THSD4: variants seen among roughly 807,000 people sequenced by gnomAD.
THSD4 encodes thrombospondin type 1 domain containing 4, also known as thrombospondin type-1 domain-containing protein 4.
A neutral mutation model predicts 119.0 loss-of-function variants in THSD4; 69 were observed. The observed-to-expected ratio is 0.58, with a 90% CI of 0.48 to 0.71. The LOEUF (loss-of-function observed/expected upper bound fraction) is 0.71, where lower values mean the gene tolerates loss of function less well. Ranked by LOEUF, THSD4 falls within the 30% of genes least tolerant of loss-of-function variation. The pLI is 0.00. For missense variants in THSD4, 1,393 were observed against 1,391.1 expected, an observed-to-expected ratio of 1.00 and a Z score of -0.02; for synonymous variants, 524 against 540.4, an observed-to-expected ratio of 0.97 and a Z score of 0.42.
intron 8 of THSD4, among the ~76,000 whole-genome samples, chr15:71,712,547 A>G (rs1170475650): frequency 6.6e-6 from 1 of 152,230 alleles, no homozygotes; most frequent in Non-Finnish European, 1.5e-5. Context: ...GGAGGAAACA[A>G]TAAAAACAAG....
intron 15 of THSD4, among the ~76,000 whole-genome samples, chr15:71,760,096 C>A (rs945850533): frequency 2.0e-5 from 3 of 152,126 alleles, no homozygotes; most frequent in African/African-American, 7.2e-5. Context: ...TCCTTCTCAC[C>A]ATATGGGTTG....
intron 7 of THSD4, among the ~76,000 whole-genome samples, chr15:71,478,915 A>T (rs568365073): frequency 6.6e-6 from 1 of 152,252 alleles, no homozygotes; most frequent in African/African-American, 2.4e-5. Flanking sequence ...AGTTTCTGTC[A>T]TTTTTCTGCA....
chr15:71,723,049 TC>T, intron 8 of THSD4, among the ~76,000 whole-genome samples: 1 of 150,410 alleles, frequency 6.6e-6, no homozygotes, highest in Non-Finnish European at 1.5e-5. Flanking sequence ...TAAGCAACGT[TC>T]TATGGATGGA....
At chr15:71,185,163 G>A (rs2043586139) in intron 3 of THSD4, among the ~76,000 whole-genome samples, 2 of 151,778 alleles carry the variant, frequency 1.3e-5, no homozygotes. Context: ...TAAGCAAAGA[G>A]TGGTCACTTT....
chr15:71,619,528 T>G (rs2050383258), intron 7 of THSD4, among the ~76,000 whole-genome samples: 1 of 152,190 alleles, frequency 6.6e-6, no homozygotes, highest in Non-Finnish European at 1.5e-5. Flanking sequence ...CTCCTAAGAT[T>G]CCATAAATCC....
rs572350548 is a variant in THSD4, at chr15:71,248,230, A to G, written c.912+5134A>G. On this transcript the variant is annotated intron_variant, in intron 5 of 17. Coordinates refer to ENST00000261862, the MANE Select transcript of THSD4 (RefSeq NM_024817.3). ...CAGGAGTTGGAGGATGCATTGAACT[A>G]TGATCACACCACTGCACTCCAGCTT... is the stretch of plus-strand genomic sequence containing the variant. 1.3e-3 allele frequency among the ~76,000 whole-genome samples: 203 copies of G among 152,288 alleles called. 1 individual carries two copies. Among genetic ancestry groups the G allele is most frequent in the African/African-American group, 4.7e-3 (194 of 41,568 alleles).
chr15:71,712,554 CAA>C (rs1426592726), intron 8 of THSD4, among the ~76,000 whole-genome samples: 1 of 152,094 alleles, frequency 6.6e-6, no homozygotes, highest in Non-Finnish European at 1.5e-5. Context: ...ACAATAAAAA[CAA>C]GAGCAGAAAT....
chr15:71,245,187 G>A (rs2044189323), intron 5 of THSD4, among the ~76,000 whole-genome samples: 1 of 152,204 alleles, frequency 6.6e-6, no homozygotes, highest in Non-Finnish European at 1.5e-5. Context: ...AGTACATGTT[G>A]ACACGGGATT....
chr15:71,191,495 G>T (rs990351634), intron 3 of THSD4, among the ~76,000 whole-genome samples: 6 of 152,174 alleles, frequency 3.9e-5, no homozygotes, highest in African/African-American at 1.4e-4. Context: ...CTGCGTGCCA[G>T]GCATAGTGCT....
chr15:71,667,060 A>G (rs1396002602), intron 8 of THSD4, among the ~76,000 whole-genome samples: 1 of 152,212 alleles, frequency 6.6e-6, no homozygotes, highest in Non-Finnish European at 1.5e-5. Flanking sequence ...GGGGTTATAC[A>G]CCAATGAAAC....
chr15:71,541,755 G>A (rs551760421), intron 7 of THSD4, among the ~76,000 whole-genome samples: 1 of 152,296 alleles, frequency 6.6e-6, no homozygotes, highest in East Asian at 1.9e-4. Context: ...TTTGGGCTAA[G>A]TTTTTAGAGA....
chr15:71,368,110 C>G (rs561157431), intron 6 of THSD4, among the ~76,000 whole-genome samples: 1 of 151,994 alleles, frequency 6.6e-6, no homozygotes, highest in African/African-American at 2.4e-5. Flanking sequence ...TCATATCCTT[C>G]GCCCACTTTT....
At chr15:71,632,750 G>C (rs2050657469) in intron 7 of THSD4, among the ~76,000 whole-genome samples, 1 of 152,186 alleles carries the variant, frequency 6.6e-6, no homozygotes, top group South Asian at 2.1e-4. Flanking sequence ...GCCTGGTCCT[G>C]ATTAACTTCT....
chr15:71,271,662 T>C (rs1421065842), intron 6 of THSD4, among the ~76,000 whole-genome samples: 1 of 152,216 alleles, frequency 6.6e-6, no homozygotes, highest in Non-Finnish European at 1.5e-5. Flanking sequence ...TCTTTTCCCT[T>C]TTCTCTTTCT....
chr15:71,230,567 T>C (rs1401299764), intron 4 of THSD4, among the ~76,000 whole-genome samples: 1 of 152,212 alleles, frequency 6.6e-6, no homozygotes, highest in Non-Finnish European at 1.5e-5. Flanking sequence ...CAGGCATTGT[T>C]ATCTCCATTT....
At chr15:71,747,138 G>A (rs1019845842) in intron 13 of THSD4, 96 bp downstream of exon 13, 5 of 1,406,466 alleles carry the variant, frequency 3.6e-6, no homozygotes, top group Non-Finnish European at 3.9e-6. Flanking sequence ...GTAACCCTGA[G>A]TTCCACAGGA....
At chr15:71,170,638 G>C (rs1238321305) in intron 3 of THSD4, among the ~76,000 whole-genome samples, 1 of 152,184 alleles carries the variant, frequency 6.6e-6, no homozygotes, top group East Asian at 1.9e-4. Flanking sequence ...TAAAATTCAA[G>C]ATGTCTAGCA....
chr15:71,508,586 A>G (rs1474310975), intron 7 of THSD4, among the ~76,000 whole-genome samples: 1 of 152,162 alleles, frequency 6.6e-6, no homozygotes, highest in Non-Finnish European at 1.5e-5. Flanking sequence ...GTGTTGTGGG[A>G]GGTCATTGAA....
At chr15:71,525,270 A>T (rs1049262764) in intron 7 of THSD4, among the ~76,000 whole-genome samples, 1 of 152,214 alleles carries the variant, frequency 6.6e-6, no homozygotes, top group Admixed American at 6.5e-5. Flanking sequence ...TAGAGATTAA[A>T]TTACTAGCCC....
Sources: gnomAD v4.1 joint callset for allele counts (sites outside exome capture counted in the v4.1 genomes callset) on GRCh38, gnomAD v4.1.1 for gene constraint, MANE v1.5 for transcripts, NCBI Gene and HGNC (gene_info 2026-07-23, HGNC 2026-07-21) for gene names.